Variants in UBL7 observed in about 807,000 individuals in gnomAD.
UBL7 encodes ubiquitin-like protein 7.
A neutral mutation model predicts 41.7 loss-of-function variants in UBL7; 21 were observed. The ratio of observed to expected loss-of-function variants is 0.50; its 90% confidence interval spans 0.36 to 0.73. The LOEUF is 0.73. UBL7 is among the 30% of genes least tolerant of loss of function. UBL7 has a pLI of 0.00. For missense variants in UBL7, 403 were observed against 478.4 expected, an observed-to-expected ratio of 0.84 and a Z score of 1.47; for synonymous variants, 157 against 186.9, an observed-to-expected ratio of 0.84 and a Z score of 1.31.
At chr15:74,456,904 G>A (rs1253029242) in intron 2 of UBL7, among the ~76,000 whole-genome samples, 3 of 152,028 alleles carry the variant, frequency 2.0e-5, no homozygotes, top group East Asian at 1.9e-4. Flanking sequence ...CAACCTCCTG[G>A]GGTCAAGCAA....
intron 9 of UBL7, among the ~76,000 whole-genome samples, chr15:74,448,964 TA>T (rs1177055189): frequency 2.0e-5 from 3 of 152,016 alleles, no homozygotes; most frequent in African/African-American, 7.2e-5. Context: ...TCTGAACTAA[TA>T]GGGGGGACTA....
rs181405988 is a variant in UBL7, at chr15:74,457,237, A to G, written c.185-566T>C. ...CTTTTGGAGCCTGGCCGACATGGCGAAACCTGGGCCATGGCGAAAATTAGG... is the reference window on the plus strand; with the variant it reads ...CTTTTGGAGCCTGGCCGACATGGCGGAACCTGGGCCATGGCGAAAATTAGG... On this transcript the variant is annotated intron_variant, in intron 2 of 10. Transcript: ENST00000395081. Among the ~76,000 whole-genome samples, 334 of 152,250 alleles carry G rather than the reference A, an allele frequency of 2.2e-3. 2 individuals carry two copies. The highest frequency in any genetic ancestry group is 7.8e-3 in the African/African-American group (324 of 41,550).
intron 10 of UBL7, 95 bp downstream of exon 10, chr15:74,448,383 G>A: frequency 6.4e-7 from 1 of 1,558,232 alleles, no homozygotes. Flanking sequence ...AATGAAGCAT[G>A]CCAGGTGTGA....
chr15:74,457,430 C>T (rs1194757645), intron 2 of UBL7, among the ~76,000 whole-genome samples: 1 of 152,106 alleles, frequency 6.6e-6, no homozygotes, highest in Admixed American at 6.5e-5. Flanking sequence ...GTAATCCCTG[C>T]TACTCAGGAG....
rs1214398107 is a variant in UBL7 at position 74,448,485 on chromosome 15, C to A, written c.998G>T (p.Ser333Ile). ...QHALQASGQP[S>I]LQSQWQPQLQ... is the part of the protein sequence containing the mutation. Reference sequence around the variant, plus strand: ...GACGTGGGGAAGACTGACCTGAAGGCTGGGCTGCCCAGAGGCCTGAAGGGC... The same window carrying A: ...GACGTGGGGAAGACTGACCTGAAGGATGGGCTGCCCAGAGGCCTGAAGGGC... Residue 333 changes from serine to isoleucine, a missense_variant, in exon 10 of 11, where the codon AGC (serine) becomes ATC (isoleucine). Transcript: ENST00000395081. 6.2e-7 allele frequency: 1 copy of A among 1,613,916 alleles called. No homozygotes were observed.
rs115806336 is a variant in UBL7, at chr15:74,446,751, C to G, written c.1006-524G>C. 2.7e-3 allele frequency among the ~76,000 whole-genome samples: 413 copies of G among 152,120 alleles called. No homozygotes were observed. Among genetic ancestry groups the G allele is most frequent in the African/African-American group, 9.5e-3 (394 of 41,494 alleles). On this transcript the variant is annotated intron_variant, in intron 10 of 10. Transcript: ENST00000395081. This position sits in a 1 kb window ranked among gnomAD's most constrained non-coding sequence, Gnocchi z 4.1. ...TTTTAAATTTTTCGCTTTTACAAACCCAAAATGCATAACTTTTATTTAATG... is the reference window on the plus strand; with the variant it reads ...TTTTAAATTTTTCGCTTTTACAAACGCAAAATGCATAACTTTTATTTAATG...
At chr15:74,449,728 G>A in intron 7 of UBL7, 53 bp from the exon 8 acceptor site, 1 of 1,609,074 alleles carries the variant, frequency 6.2e-7, no homozygotes, top group Admixed American at 1.7e-5. Flanking sequence ...CACAGGCGCA[G>A]CTCCAGAATC....
At chr15:74,459,279 C>G (rs541985978) in intron 1 of UBL7, among the ~76,000 whole-genome samples, 6 of 152,044 alleles carry the variant, frequency 3.9e-5, no homozygotes. Flanking sequence ...AATATCTATG[C>G]TGCCACCTAA....
chr15:74,453,697 C>T (rs1019993635), intron 3 of UBL7, among the ~76,000 whole-genome samples: 3 of 152,150 alleles, frequency 2.0e-5, no homozygotes, highest in African/African-American at 7.2e-5. Flanking sequence ...ATTTGTAACC[C>T]GCCATGGAGG....
At chr15:74,460,013 G>A (rs1272090627) in intron 1 of UBL7, among the ~76,000 whole-genome samples, 1 of 150,928 alleles carries the variant, frequency 6.6e-6, no homozygotes, top group African/African-American at 2.4e-5. Context: ...AGGCCGCGGA[G>A]GACGGATCAC....
chr15:74,460,735 A>G (rs1490582244), intron 1 of UBL7: 27 of 1,288,766 alleles, frequency 2.1e-5, no homozygotes, highest in African/African-American at 1.7e-4. Flanking sequence ...GCAAAGCAAG[A>G]TAAGTTCTTG....
intron 1 of UBL7, among the ~76,000 whole-genome samples, chr15:74,459,932 CAAAAAAAAAAAA>C (rs55846825): frequency 9.3e-4 from 17 of 18,270 alleles, no homozygotes; most frequent in South Asian, 2.4e-3. Context: ...GACTCTGTCG[CAAAAAAAAAAAA>C]AAAAAAAAAA....
chr15:74,445,995 A>C lies in UBL7; in HGVS notation c.*95T>G. ...AAAGCAGGAGAGTTGACCATCAGGT[A>C]TATTGGGGAAGGGAGAGATGGAGGC... On this transcript the variant is annotated 3_prime_UTR_variant, in exon 11 of 11. Coordinates refer to ENST00000395081, the MANE Select transcript of UBL7 (RefSeq NM_032907.5). 1.3e-6 allele frequency: 2 copies of C among 1,483,488 alleles called. No individual in the cohort carries two copies. The highest frequency in any genetic ancestry group is 1.8e-6 in the Non-Finnish European group (2 of 1,095,786). 91.9% of individuals were successfully genotyped at this position (1,483,488 alleles called of 1,614,324 possible). A position where few individuals can be genotyped will look rare whatever the true frequency, so the allele number is the denominator to read the frequency against.
At chr15:74,448,365 G>C (rs572000304) in intron 10 of UBL7, 113 bp downstream of exon 10, 2 of 1,505,556 alleles carry the variant, frequency 1.3e-6, no homozygotes, top group East Asian at 4.6e-5. Flanking sequence ...TGCTCCAGCT[G>C]TTCCTAGAAT....
intron 1 of UBL7, among the ~76,000 whole-genome samples, chr15:74,459,301 A>ATTT: frequency 7.6e-6 from 1 of 130,864 alleles, no homozygotes; most frequent in African/African-American, 2.8e-5. Flanking sequence ...AACACCCATC[A>ATTT]TTTTTTTTTT....
chr15:74,449,591 T>C, intron 8 of UBL7, 35 bp downstream of exon 8: 5 of 1,613,932 alleles, frequency 3.1e-6, no homozygotes, highest in Non-Finnish European at 4.2e-6. Flanking sequence ...CTCCCCCACA[T>C]GTCAGCATGT....
chr15:74,450,091 AC>A (rs1210287448), intron 6 of UBL7, 22 bp from the exon 7 acceptor site: 1 of 1,599,946 alleles, frequency 6.3e-7, no homozygotes, highest in African/African-American at 1.3e-5. Context: ...GCAGGAAGAA[AC>A]CCAAGGGTGA....
intron 9 of UBL7, 113 bp downstream of exon 9, chr15:74,449,073 G>A: frequency 7.7e-7 from 1 of 1,306,328 alleles, no homozygotes; most frequent in South Asian, 1.5e-5. Context: ...GGACTCCAGG[G>A]TTCAGCTTAA....
chr15:74,453,713 CAA>C (rs2061270969), intron 3 of UBL7, among the ~76,000 whole-genome samples: 1 of 152,156 alleles, frequency 6.6e-6, no homozygotes, highest in Admixed American at 6.5e-5. Context: ...GGAGGACTAC[CAA>C]AGAGATCCAG....
Sources: gnomAD v4.1 joint callset for allele counts (sites outside exome capture counted in the v4.1 genomes callset) on GRCh38, gnomAD v4.1.1 for gene constraint, Gnocchi (gnomAD v3.1) non-coding constraint, MANE v1.5 for transcripts, NCBI Gene and HGNC (gene_info 2026-07-23, HGNC 2026-07-21) for gene names.